NCAM2: variants seen among roughly 807,000 people sequenced by gnomAD.
NCAM2 encodes the protein neural cell adhesion molecule 2.
In NCAM2, 30 loss-of-function variants were observed where a neutral mutation model predicts 98.1. That is an observed-to-expected ratio of 0.31 (90% CI 0.23 to 0.41). The LOEUF is 0.41. NCAM2 is among the 10% of genes least tolerant of loss of function. NCAM2 has a pLI of 1.00. For synonymous variants in NCAM2, 368 were observed against 342.4 expected (o/e 1.07, Z -0.83); for missense variants, 867 against 1,005.8 (o/e 0.86, Z 1.87).
At chr21:21,166,959 A>T (rs996974476) in intron 1 of NCAM2, among the ~76,000 whole-genome samples, 1 of 152,236 alleles carries the variant, frequency 6.6e-6, no homozygotes, top group African/African-American at 2.4e-5. Flanking sequence ...GATAACCTGT[A>T]TACAAATATT....
intron 1 of NCAM2, among the ~76,000 whole-genome samples, chr21:21,108,968 T>C (rs1266084014): frequency 6.6e-6 from 1 of 152,192 alleles, no homozygotes; most frequent in Non-Finnish European, 1.5e-5. Flanking sequence ...TTTCATTGAC[T>C]ACAGTTATGA....
chr21:21,508,808 C>CTTTTTTTTTTTTT lies in NCAM2; in HGVS notation c.2078-23_2078-11dup, dbSNP rs764097299. ...ATTTAGAGGTTTAATACTTTTTTTC[C>CTTTTTTTTTTTTT]TTTTTTTTTTTTTTTTTTTTTTTTT... On this transcript the variant is annotated intron_variant, in intron 15 of 17. Transcript: ENST00000400546. 171 of 413,298 alleles carry CTTTTTTTTTTTTT rather than the reference C, an allele frequency of 4.1e-4. 25 individuals are homozygous for CTTTTTTTTTTTTT. The highest frequency in any genetic ancestry group is 6.8e-4 in the African/African-American group (20 of 29,382). The allele number at this position is 413,298 out of a possible 1,614,324, so 25.6% of individuals were successfully genotyped here.
At chr21:21,064,309 A>C (rs1601251379) in intron 1 of NCAM2, among the ~76,000 whole-genome samples, 1 of 152,210 alleles carries the variant, frequency 6.6e-6, no homozygotes, top group African/African-American at 2.4e-5. Flanking sequence ...CTTAAAGAAC[A>C]ATGTTAATCT....
intron 1 of NCAM2, among the ~76,000 whole-genome samples, chr21:21,125,412 T>TTTACATATATATGTAATATATAATACA (rs71193402): frequency 1.2e-5 from 1 of 84,912 alleles, no homozygotes; most frequent in African/African-American, 4.3e-5. Flanking sequence ...TATATAATAT[T>TTTACATATATATGTAATATATAATACA]TTACATATAT....
chr21:21,507,976 T>C (rs557334135), intron 15 of NCAM2, among the ~76,000 whole-genome samples: 5 of 152,154 alleles, frequency 3.3e-5, no homozygotes, highest in Non-Finnish European at 7.3e-5. Context: ...GAGTCTACCC[T>C]CAGATTCTAC....
chr21:21,076,311 TAAAC>T (rs1311970420), intron 1 of NCAM2, among the ~76,000 whole-genome samples: 1 of 151,992 alleles, frequency 6.6e-6, no homozygotes, highest in South Asian at 2.1e-4. Flanking sequence ...AAAATAAACT[TAAAC>T]AAAAAGCATG....
chr21:21,133,699 T>G (rs138809281), intron 1 of NCAM2, among the ~76,000 whole-genome samples: 97 of 152,330 alleles, frequency 6.4e-4, no homozygotes, highest in South Asian at 2.7e-3. Flanking sequence ...ACCAGAATGA[T>G]GTGCAGTATT....
intron 15 of NCAM2, among the ~76,000 whole-genome samples, chr21:21,506,777 G>A (rs768201496): frequency 1.4e-4 from 22 of 151,912 alleles, no homozygotes; most frequent in Non-Finnish European, 2.5e-4. Flanking sequence ...GTTAAAATTT[G>A]GTATAGGAAG....
chr21:21,033,209 A>G (rs2064725857), intron 1 of NCAM2, among the ~76,000 whole-genome samples: 1 of 152,134 alleles, frequency 6.6e-6, no homozygotes, highest in Non-Finnish European at 1.5e-5. Flanking sequence ...TTGGCCTCCC[A>G]AAGTGCTGGG....
chr21:21,448,331 G>A (rs906703536), intron 12 of NCAM2, among the ~76,000 whole-genome samples: 1 of 151,964 alleles, frequency 6.6e-6, no homozygotes, highest in Non-Finnish European at 1.5e-5. Flanking sequence ...TCATAAGTGG[G>A]AGATGAACAA....
intron 1 of NCAM2, among the ~76,000 whole-genome samples, chr21:21,228,540 T>C (rs908170344): frequency 5.3e-5 from 8 of 151,422 alleles, no homozygotes; most frequent in Non-Finnish European, 7.4e-5. Context: ...TACCTCTTCA[T>C]GAATCATGAT....
At chr21:21,419,171 T>C in intron 11 of NCAM2, among the ~76,000 whole-genome samples, 1 of 152,158 alleles carries the variant, frequency 6.6e-6, no homozygotes, top group East Asian at 1.9e-4. Flanking sequence ...AATGAATCAC[T>C]TTTAAAAACT....
chr21:21,101,201 T>C (rs1164896530), intron 1 of NCAM2, among the ~76,000 whole-genome samples: 1 of 152,042 alleles, frequency 6.6e-6, no homozygotes, highest in Non-Finnish European at 1.5e-5. Flanking sequence ...ATGATATCTC[T>C]GTTTTCCTTA....
intron 6 of NCAM2, among the ~76,000 whole-genome samples, chr21:21,327,305 T>TTA (rs1288612641): frequency 7.9e-5 from 2 of 25,356 alleles, no homozygotes; most frequent in Non-Finnish European, 1.2e-4. Context: ...AGACTCTGTC[T>TTA]CAAAAAAAAA....
At chr21:21,361,875 T>C (rs1482623311) in intron 8 of NCAM2, among the ~76,000 whole-genome samples, 1 of 152,212 alleles carries the variant, frequency 6.6e-6, no homozygotes, top group African/African-American at 2.4e-5. Flanking sequence ...TTTATTTATT[T>C]TTATTCTGGC....
At chr21:21,327,126 G>A (rs762524349) in intron 6 of NCAM2, among the ~76,000 whole-genome samples, 2 of 151,958 alleles carry the variant, frequency 1.3e-5, no homozygotes, top group African/African-American at 4.8e-5. Flanking sequence ...AAAGTGCTGG[G>A]ATTACAGGCG....
At chr21:21,379,585 T>G (rs1240756084) in intron 9 of NCAM2, among the ~76,000 whole-genome samples, 1 of 152,120 alleles carries the variant, frequency 6.6e-6, no homozygotes, top group Admixed American at 6.6e-5. Context: ...CTGTTATTGA[T>G]TTCTAATTTA....
At chr21:21,124,290 A>AAATTAT (rs2066741189) in intron 1 of NCAM2, among the ~76,000 whole-genome samples, 1 of 152,206 alleles carries the variant, frequency 6.6e-6, no homozygotes, top group Non-Finnish European at 1.5e-5. Flanking sequence ...ATTTACAATA[A>AAATTAT]AATTATAATT....
At chr21:21,316,371 A>G (rs1369072881) in intron 5 of NCAM2, among the ~76,000 whole-genome samples, 3 of 152,026 alleles carry the variant, frequency 2.0e-5, no homozygotes, top group African/African-American at 7.2e-5. Flanking sequence ...GCACCCATTA[A>G]CTTACTTTAA....
Sources: gnomAD v4.1 joint callset for allele counts (sites outside exome capture counted in the v4.1 genomes callset) on GRCh38, gnomAD v4.1.1 for gene constraint, MANE v1.5 for transcripts, NCBI Gene and HGNC (gene_info 2026-07-23, HGNC 2026-07-21) for gene names.